SLCO1B3: variants seen among roughly 807,000 people sequenced by gnomAD.
SLCO1B3 encodes liver-specific organic anion transporter 2.
Under a neutral mutation model 71.8 loss-of-function variants are expected in SLCO1B3, and 72 were observed. The ratio of observed to expected loss-of-function variants is 1.00; its 90% CI spans 0.83 to 1.22. The LOEUF (loss-of-function observed/expected upper bound fraction) is 1.22, where lower values mean the gene tolerates loss of function less well. SLCO1B3 is among the 50% of genes most tolerant of loss of function. SLCO1B3 has a pLI of 0.00. For synonymous variants in SLCO1B3, 298 were observed against 278.4 expected (o/e 1.07, Z -0.70); for missense variants, 911 against 819.7 (o/e 1.11, Z -1.36).
At chr12:20,901,594 A>G in intron 15 of SLCO1B3, 127 bp downstream of exon 15, 1 of 557,692 alleles carries the variant, frequency 1.8e-6, no homozygotes, top group South Asian at 2.3e-5. Flanking sequence ...ATTACTTTGT[A>G]TTCACTATTG....
At chr12:20,868,612 C>G (rs946848400) in intron 8 of SLCO1B3, among the ~76,000 whole-genome samples, 5 of 151,876 alleles carry the variant, frequency 3.3e-5, no homozygotes, top group African/African-American at 1.2e-4. Flanking sequence ...TTTGGTGGGT[C>G]TCTTACTGTG....
intron 3 of SLCO1B3, among the ~76,000 whole-genome samples, chr12:20,823,798 C>T (rs1349548021): frequency 6.6e-6 from 1 of 152,076 alleles, no homozygotes; most frequent in Non-Finnish European, 1.5e-5. Context: ...CTTGGAGTTC[C>T]TGGACCAGTC....
At chr12:20,830,027 T>C (rs1864506386) in intron 3 of SLCO1B3, among the ~76,000 whole-genome samples, 1 of 152,226 alleles carries the variant, frequency 6.6e-6, no homozygotes, top group Non-Finnish European at 1.5e-5. Flanking sequence ...TGTCTCATCC[T>C]GTGACTTAGA....
chr12:20,861,287 T>C lies in SLCO1B3; in HGVS notation c.481+149T>C, dbSNP rs185144404. The C allele has an allele frequency of 1.2e-4, 80 of 673,222 alleles. No homozygotes were observed. The African/African-American group carries it at 1.4e-3, about 12-fold the overall frequency. 41.7% of individuals were successfully genotyped at this position (673,222 alleles called of 1,614,324 possible). On this transcript the variant is annotated intron_variant, in intron 6 of 15. Coordinates refer to ENST00000381545, the MANE Select transcript of SLCO1B3 (RefSeq NM_019844.4). ...CATACAGACAAAATCATACTGTTAA[T>C]GTATGCAGTCGATTCTTAAACAACA... is the stretch of plus-strand genomic sequence containing the variant.
At chr12:20,873,749 G>C (rs1865523374) in intron 8 of SLCO1B3, among the ~76,000 whole-genome samples, 1 of 152,090 alleles carries the variant, frequency 6.6e-6, no homozygotes, top group Non-Finnish European at 1.5e-5. Context: ...TATTTGTCCT[G>C]ATGCTCTCCC....
chr12:20,833,884 A>T (rs1864608082), intron 3 of SLCO1B3, among the ~76,000 whole-genome samples: 1 of 111,738 alleles, frequency 8.9e-6, no homozygotes, highest in African/African-American at 2.6e-5. Flanking sequence ...TAGTGTATGT[A>T]TACAATATAT....
At position 20,878,192 on chromosome 12, in the gene SLCO1B3, T is replaced by C. The variant is rs187703177; in HGVS notation, c.1135+256T>C. 3.4e-3 allele frequency among the ~76,000 whole-genome samples: 518 copies of C among 151,904 alleles called. 1 individual carries two copies. Among genetic ancestry groups the C allele is most frequent in the African/African-American group, 0.011 (475 of 41,476 alleles). ...TAGGTGAAATTCTAAAGAAAAAAAA[T>C]TGCTTGTGAATAAAACATTTAGACG... On this transcript the variant is annotated intron_variant, in intron 10 of 15. Transcript: ENST00000381545.
In SLCO1B3 at chr12:20,890,269, A is replaced by T. The variant is rs77635694; in HGVS notation, c.1682+6667A>T. 2.3e-3 allele frequency among the ~76,000 whole-genome samples: 357 copies of T among 152,270 alleles called. 11 individuals carry two copies. The East Asian group carries it at 0.062, about 27-fold the overall frequency. The stretch of plus-strand genomic sequence containing the variant: ...CCTTGATTTCATTATTGACCAAATA[A>T]TTGTTCAGGAACAGGCTATTTAATT... On this transcript the variant is annotated intron_variant, in intron 13 of 15. Transcript: ENST00000381545.
chr12:20,878,022 A>G (rs1278275585), intron 10 of SLCO1B3, 86 bp downstream of exon 10: 13 of 875,892 alleles, frequency 1.5e-5, no homozygotes, highest in Non-Finnish European at 2.2e-5. Flanking sequence ...TATGAAGGTG[A>G]TTTTATATTT....
intron 11 of SLCO1B3, 23 bp downstream of exon 11, chr12:20,879,654 A>G: frequency 6.9e-7 from 1 of 1,447,344 alleles, no homozygotes; most frequent in African/African-American, 1.4e-5. Flanking sequence ...TGCTATATAA[A>G]TTGTGTAATA....
chr12:20,883,701 G>A, intron 13 of SLCO1B3, 99 bp downstream of exon 13: 1 of 771,956 alleles, frequency 1.3e-6, no homozygotes, highest in Non-Finnish European at 2.0e-6. Context: ...TTCATATTTT[G>A]TCAATTTTTA....
intron 3 of SLCO1B3, among the ~76,000 whole-genome samples, chr12:20,847,967 A>T (rs556053437): frequency 3.3e-5 from 5 of 152,076 alleles, no homozygotes; most frequent in Admixed American, 6.5e-5. Flanking sequence ...ATTAAAAGTC[A>T]AAATAATAAT....
At chr12:20,870,017 A>G (rs1382594746) in intron 8 of SLCO1B3, among the ~76,000 whole-genome samples, 1 of 152,156 alleles carries the variant, frequency 6.6e-6, no homozygotes, top group Non-Finnish European at 1.5e-5. Context: ...TATTTTTGAT[A>G]ATAGCCATCC....
At chr12:20,815,908 A>G (rs1864184757) in intron 3 of SLCO1B3, 86 bp downstream of exon 3, 3 of 644,188 alleles carry the variant, frequency 4.7e-6, no homozygotes, top group South Asian at 2.4e-5. Flanking sequence ...CAAAAAGAAC[A>G]TTATATCTCA....
chr12:20,899,966 C>T (rs1438978579), intron 14 of SLCO1B3, among the ~76,000 whole-genome samples: 2 of 151,954 alleles, frequency 1.3e-5, no homozygotes, highest in Non-Finnish European at 2.9e-5. Context: ...GGTAGAAGAC[C>T]TATATAGTGT....
intron 9 of SLCO1B3, among the ~76,000 whole-genome samples, chr12:20,877,080 C>T (rs10841691): frequency 0.72 from 110,084 of 152,010 alleles, 42,464 homozygotes; most frequent in South Asian, 0.9. Context: ...ATCCACCTGC[C>T]TTGGCCTCCC....
intron 11 of SLCO1B3, among the ~76,000 whole-genome samples, chr12:20,879,838 AAAT>A (rs1238719659): frequency 9.9e-5 from 15 of 152,252 alleles, no homozygotes; most frequent in African/African-American, 3.6e-4. Flanking sequence ...ACATCGGTTG[AAAT>A]AATAATACCT....
intron 1 of SLCO1B3, among the ~76,000 whole-genome samples, chr12:20,812,717 G>T (rs929421584): frequency 6.6e-6 from 1 of 152,184 alleles, no homozygotes; most frequent in Non-Finnish European, 1.5e-5. Flanking sequence ...AAGAAAGCAA[G>T]CTGGAAGACA....
At chr12:20,911,390 C>T (rs1034597934) in intron 15 of SLCO1B3, among the ~76,000 whole-genome samples, 4 of 152,018 alleles carry the variant, frequency 2.6e-5, no homozygotes, top group East Asian at 1.9e-4. Context: ...TGAGATGTAT[C>T]GCTCTGTAGT....
Sources: allele counts gnomAD v4.1 joint callset (sites outside exome capture counted in the v4.1 genomes callset), GRCh38; gene constraint gnomAD v4.1.1; transcripts MANE v1.5; gene names NCBI Gene and HGNC (gene_info 2026-07-23, HGNC 2026-07-21).